Variants in SMOC1 observed in about 807,000 individuals in gnomAD.
SMOC1 encodes SPARC related modular calcium binding 1.
SMOC1 carries 22 observed loss-of-function variants against 56.3 expected under a neutral mutation model. The observed-to-expected ratio is 0.39, with a 90% CI of 0.28 to 0.56. The LOEUF is 0.56. SMOC1 is among the 20% of genes least tolerant of loss of function. SMOC1 has a pLI of 0.61. For synonymous variants in SMOC1, 193 were observed against 215.0 expected (o/e 0.90, Z 0.89); for missense variants, 509 against 565.4 (o/e 0.90, Z 1.01).
At chr14:69,947,112 C>CCTTCCTTCCTTT (rs1209206854) in intron 1 of SMOC1, among the ~76,000 whole-genome samples, 1 of 151,100 alleles carries the variant, frequency 6.6e-6, no homozygotes, top group Non-Finnish European at 1.5e-5. Flanking sequence ...TTCCTTCCTT[C>CCTTCCTTCCTTT]CTTCCTTCCT....
chr14:69,891,278 G>T (rs774357556), intron 1 of SMOC1, among the ~76,000 whole-genome samples: 2 of 152,236 alleles, frequency 1.3e-5, no homozygotes, highest in Non-Finnish European at 2.9e-5. Context: ...GGGACACATA[G>T]AAGGCTTGGA....
chr14:69,949,474 G>T (rs1204979049), intron 1 of SMOC1, among the ~76,000 whole-genome samples: 1 of 152,210 alleles, frequency 6.6e-6, no homozygotes, highest in Non-Finnish European at 1.5e-5. Flanking sequence ...CAGAGCTGGG[G>T]ATTCCACTGG....
intron 5 of SMOC1, among the ~76,000 whole-genome samples, chr14:69,982,459 C>T (rs1884214327): frequency 6.6e-6 from 1 of 152,230 alleles, no homozygotes; most frequent in African/African-American, 2.4e-5. Flanking sequence ...GACCTTGTCA[C>T]TCAAGCAATG....
chr14:69,908,177 G>C (rs1291609691), intron 1 of SMOC1, among the ~76,000 whole-genome samples: 1 of 152,002 alleles, frequency 6.6e-6, no homozygotes, highest in Non-Finnish European at 1.5e-5. Context: ...ATATTGTAGA[G>C]ACCCATTTTG....
chr14:70,014,250 ATACT>A (rs1255222786), intron 10 of SMOC1, among the ~76,000 whole-genome samples: 1 of 152,200 alleles, frequency 6.6e-6, no homozygotes, highest in Non-Finnish European at 1.5e-5. Flanking sequence ...CCATAGATAG[ATACT>A]TACAAAATCT....
intron 1 of SMOC1, among the ~76,000 whole-genome samples, chr14:69,942,292 AGGGG>A (rs1882594477): frequency 6.6e-6 from 1 of 151,978 alleles, no homozygotes; most frequent in Non-Finnish European, 1.5e-5. Flanking sequence ...CTTGTATTAA[AGGGG>A]GTGGGCAGAG....
chr14:69,954,844 C>T (rs988536321), intron 3 of SMOC1, among the ~76,000 whole-genome samples: 2 of 152,140 alleles, frequency 1.3e-5, no homozygotes, highest in African/African-American at 2.4e-5. Context: ...ATAGGCTGGT[C>T]TTTGGTCTGA....
In SMOC1 at chr14:69,879,523, C is replaced by G. The variant is rs1017807581; in HGVS notation, c.-156C>G. 6.0e-6 allele frequency: 3 copies of G among 503,902 alleles called. No homozygotes were observed. The highest frequency in any genetic ancestry group is 2.0e-5 in the African/African-American group (1 of 48,886). 31.2% of individuals were successfully genotyped at this position (503,902 alleles called of 1,614,324 possible). A position where few individuals can be genotyped will look rare whatever the true frequency, so the allele number is the denominator to read the frequency against. ...CTCCTGCGCGGTTCATGACTGTGTC[C>G]CCTGACCGCAGCCTCTGCGAGCCCC... is the stretch of plus-strand genomic sequence containing the variant. On this transcript the variant is annotated 5_prime_UTR_variant, in exon 1 of 12. Transcript: ENST00000361956.
At chr14:69,887,418 G>C (rs1003150674) in intron 1 of SMOC1, among the ~76,000 whole-genome samples, 1 of 152,108 alleles carries the variant, frequency 6.6e-6, no homozygotes, top group Non-Finnish European at 1.5e-5. Context: ...TACCTTTTTG[G>C]GGGAGAGGGA....
chr14:69,883,889 ATT>A (rs34300667), intron 1 of SMOC1, among the ~76,000 whole-genome samples: 87 of 66,608 alleles, frequency 1.3e-3, no homozygotes, highest in African/African-American at 5.9e-3. Flanking sequence ...GATGTTGAGC[ATT>A]TTTTTTTTTT....
At chr14:70,021,953 G>C (rs900966076) in intron 10 of SMOC1, among the ~76,000 whole-genome samples, 1 of 152,188 alleles carries the variant, frequency 6.6e-6, no homozygotes, top group Admixed American at 6.5e-5. Context: ...GGATCCCTCT[G>C]GAACAGTGAG....
At chr14:69,982,453 T>G (rs1171870737) in intron 5 of SMOC1, among the ~76,000 whole-genome samples, 2 of 152,214 alleles carry the variant, frequency 1.3e-5, no homozygotes, top group Non-Finnish European at 1.5e-5. Context: ...CTTGGAGACC[T>G]TGTCACTCAA....
At position 70,011,465 on chromosome 14, in the gene SMOC1, C is replaced by T; in HGVS notation, c.858-20C>T. ...AGTTGCCAGCCCCTCCCAACCCCCC[C>T]CATATCTCTCTTTTCCCAGCTACGT... is the stretch of plus-strand genomic sequence containing the variant. On this transcript the variant is annotated intron_variant, in intron 8 of 11. Transcript: ENST00000361956. 6.3e-7 allele frequency: 1 copy of T among 1,583,346 alleles called. No homozygotes were observed. Among genetic ancestry groups the T allele is most frequent in the Non-Finnish European group, 8.7e-7 (1 of 1,154,998 alleles).
At chr14:69,985,369 T>C (rs1306959804) in intron 5 of SMOC1, among the ~76,000 whole-genome samples, 1 of 152,098 alleles carries the variant, frequency 6.6e-6, no homozygotes, top group African/African-American at 2.4e-5. Flanking sequence ...ACATATACCA[T>C]ATAATCCAGC....
chr14:69,918,684 A>G (rs372866512), intron 1 of SMOC1, among the ~76,000 whole-genome samples: 15 of 152,306 alleles, frequency 9.8e-5, no homozygotes, highest in East Asian at 5.8e-4. Context: ...CTTATTTCAC[A>G]GGACTGTTTT....
intron 10 of SMOC1, 32 bp from the exon 11 acceptor site, chr14:70,023,171 C>G: frequency 6.2e-7 from 1 of 1,613,730 alleles, no homozygotes; most frequent in South Asian, 1.1e-5. Flanking sequence ...GATTGGTGTT[C>G]TCTGCGGTGG....
intron 1 of SMOC1, among the ~76,000 whole-genome samples, chr14:69,942,325 C>T (rs1347371453): frequency 6.6e-6 from 1 of 152,140 alleles, no homozygotes; most frequent in Non-Finnish European, 1.5e-5. Flanking sequence ...AGAAACTTCT[C>T]TGAGTGCCTA....
intron 7 of SMOC1, among the ~76,000 whole-genome samples, chr14:69,999,333 A>G (rs1884884973): frequency 6.6e-6 from 1 of 152,062 alleles, no homozygotes; most frequent in African/African-American, 2.4e-5. Context: ...CCACCCCCCA[A>G]GCCAGCACTC....
chr14:69,947,277 C>T (rs1024248064), intron 1 of SMOC1, among the ~76,000 whole-genome samples: 1 of 151,642 alleles, frequency 6.6e-6, no homozygotes, highest in Non-Finnish European at 1.5e-5. Flanking sequence ...TCAAGTGATC[C>T]TCTCATCTCA....
Sources: allele counts gnomAD v4.1 joint callset (sites outside exome capture counted in the v4.1 genomes callset), GRCh38; gene constraint gnomAD v4.1.1; transcripts MANE v1.5; gene names NCBI Gene and HGNC (gene_info 2026-07-23, HGNC 2026-07-21).